The following CUL2 variants were observed in gnomAD, a reference collection of about 807,000 sequenced individuals.
CUL2 encodes the protein cullin 2, also known as cullin-2.
Under a neutral mutation model 110.2 loss-of-function variants are expected in CUL2, and 22 were observed. The ratio of observed to expected loss-of-function variants is 0.20; its 90% confidence interval spans 0.14 to 0.28. CUL2 has a LOEUF of 0.28. Ranked by LOEUF, CUL2 falls within the 10% of genes least tolerant of loss-of-function variation. The pLI, the probability that CUL2 is intolerant of heterozygous loss-of-function variation, is 1.00. For missense variants in CUL2, 631 were observed against 905.5 expected, an observed-to-expected ratio of 0.70 and a Z score of 3.89; for synonymous variants, 279 against 293.2, an observed-to-expected ratio of 0.95 and a Z score of 0.49.
At position 35,071,506 on chromosome 10, in the gene CUL2, G is replaced by A. The variant is rs191541427; in HGVS notation, c.-22-167C>T. On this transcript the variant is annotated intron_variant, in intron 1 of 20. Transcript: ENST00000374749. ...TGCAAGCTCCGCCTCCCAGGTTCAC[G>A]CCATTCTCCTGCCTCAGTCTCCCAA... Among the ~76,000 whole-genome samples the A allele has an allele frequency of 3.1e-3, 465 of 152,282 alleles. 1 individual carries two copies. The highest frequency in any genetic ancestry group is 0.011 in the African/African-American group (442 of 41,558).
At chr10:35,062,437 A>G (rs2134930897) in intron 3 of CUL2, among the ~76,000 whole-genome samples, 1 of 152,316 alleles carries the variant, frequency 6.6e-6, no homozygotes, top group East Asian at 1.9e-4. Flanking sequence ...GTAGGAGCAC[A>G]TTTTAAAACT....
intron 17 of CUL2, among the ~76,000 whole-genome samples, chr10:35,019,341 T>C (rs1476475148): frequency 1.3e-5 from 2 of 152,174 alleles, no homozygotes; most frequent in Non-Finnish European, 2.9e-5. Context: ...ATTTACTTCT[T>C]ATTGAGTTCA....
chr10:35,084,133 C>A (rs1474773854), intron 1 of CUL2, among the ~76,000 whole-genome samples: 1 of 152,020 alleles, frequency 6.6e-6, no homozygotes, highest in East Asian at 1.9e-4. Context: ...AAAAATTAGT[C>A]AGGTGTGGTG....
intron 2 of CUL2, among the ~76,000 whole-genome samples, chr10:35,096,053 G>A (rs774856533): frequency 1.9e-4 from 29 of 152,016 alleles, no homozygotes; most frequent in African/African-American, 6.8e-4. Flanking sequence ...CTTGAGACCA[G>A]CCTGGCCAAT....
rs1183142230 is a variant in CUL2, at chr10:35,062,916, T to G, written c.222+44A>C. 3 of 1,114,366 alleles carry G rather than the reference T, an allele frequency of 2.7e-6. No homozygotes were observed. In the East Asian group the frequency reaches 7.1e-5, roughly 26 times the overall value. 69.0% of individuals were successfully genotyped at this position (1,114,366 alleles called of 1,614,324 possible). A position where few individuals can be genotyped will look rare whatever the true frequency, so the allele number is the denominator to read the frequency against. Reference sequence around the variant, plus strand: ...TGGAAAACAGTAAACTAGTAAAGTATACAACTATCAACATATTTATATCAC... The same window carrying G: ...TGGAAAACAGTAAACTAGTAAAGTAGACAACTATCAACATATTTATATCAC... On this transcript the variant is annotated intron_variant, in intron 3 of 20. Transcript: ENST00000374749.
At chr10:35,091,777 C>T (rs2087209510), upstream of CUL2, among the ~76,000 whole-genome samples, 1 of 152,062 alleles carries the variant, frequency 6.6e-6, no homozygotes, top group African/African-American at 2.4e-5. Context: ...CCCGCCACCA[C>T]ACCCGGCTAA....
intron 8 of CUL2, among the ~76,000 whole-genome samples, chr10:35,042,305 T>C (rs1319387093): frequency 1.3e-5 from 2 of 152,192 alleles, no homozygotes; most frequent in South Asian, 2.1e-4. Context: ...AACATTTTCA[T>C]GGTTCATCCA....
intron 14 of CUL2, among the ~76,000 whole-genome samples, 195 bp from the exon 15 acceptor site, chr10:35,029,835 G>A (rs986693354): frequency 1.6e-4 from 24 of 152,226 alleles, no homozygotes; most frequent in Non-Finnish European, 7.4e-5. Flanking sequence ...TTTTAAAGAC[G>A]TATTTTAAAT....
At chr10:35,067,904 G>A (rs992691866) in intron 2 of CUL2, among the ~76,000 whole-genome samples, 2 of 151,734 alleles carry the variant, frequency 1.3e-5, no homozygotes, top group South Asian at 2.1e-4. Context: ...TCAGGAGATC[G>A]AGACCATCCT....
chr10:35,102,884 G>GA (rs750018715), intron 1 of CUL2, among the ~76,000 whole-genome samples: 348 of 108,284 alleles, frequency 3.2e-3, no homozygotes, highest in Middle Eastern at 0.011. Flanking sequence ...CTCTGTCTCA[G>GA]AAAAAAAAAA....
chr10:35,080,259 A>G (rs866198393), intron 1 of CUL2, among the ~76,000 whole-genome samples: 63 of 151,968 alleles, frequency 4.1e-4, no homozygotes, highest in Admixed American at 1.4e-3. Context: ...GCATCTAAAC[A>G]TTTTCATCTT....
chr10:35,033,080 C>A, intron 11 of CUL2, 86 bp downstream of exon 11: 2 of 648,356 alleles, frequency 3.1e-6, no homozygotes, highest in Non-Finnish European at 4.9e-6. Flanking sequence ...CATCAGAAAC[C>A]TCATACTAGA....
chr10:35,036,845 CACCTCAGCCTCCCAAGTAGATGGG>C (rs1173725427), intron 9 of CUL2, among the ~76,000 whole-genome samples: 1 of 151,982 alleles, frequency 6.6e-6, no homozygotes, highest in African/African-American at 2.4e-5. Flanking sequence ...GTGATCCTCC[CACCTCAGCCTCCCAAGTAGATGGG>C]ACCACAGGTG....
intron 1 of CUL2, chr10:35,118,827 A>G (rs968080900): frequency 6.6e-6 from 1 of 152,234 alleles, no homozygotes; most frequent in Admixed American, 6.5e-5. Context: ...TCTCATGTCA[A>G]AGTGCTTCCA....
chr10:35,039,459 T>C (rs936830614), intron 8 of CUL2, among the ~76,000 whole-genome samples: 1 of 152,208 alleles, frequency 6.6e-6, no homozygotes, highest in African/African-American at 2.4e-5. Flanking sequence ...AAAAATAAAT[T>C]ATATTGAAAT....
chr10:35,096,990 C>T (rs1269294573), intron 2 of CUL2, among the ~76,000 whole-genome samples: 1 of 151,674 alleles, frequency 6.6e-6, no homozygotes, highest in Non-Finnish European at 1.5e-5. Flanking sequence ...TTGTATTTTT[C>T]GTAGAGACGG....
intron 2 of CUL2, among the ~76,000 whole-genome samples, chr10:35,096,909 A>G (rs2087307315): frequency 6.6e-6 from 1 of 150,936 alleles, no homozygotes; most frequent in South Asian, 2.1e-4. Context: ...TCCTGGCTTC[A>G]AGTGATTCTC....
intron 17 of CUL2, among the ~76,000 whole-genome samples, chr10:35,018,308 A>C (rs902664600): frequency 2.8e-4 from 42 of 151,158 alleles, no homozygotes; most frequent in South Asian, 8.3e-4. Flanking sequence ...AAAAAAAAAA[A>C]AAAAAAGATG....
intron 10 of CUL2, among the ~76,000 whole-genome samples, chr10:35,034,605 G>A (rs2085571851): frequency 6.6e-6 from 1 of 152,040 alleles, no homozygotes; most frequent in South Asian, 2.1e-4. Context: ...AACAAGATTT[G>A]GTGATGGGAA....
Sources: allele counts gnomAD v4.1 joint callset (sites outside exome capture counted in the v4.1 genomes callset), GRCh38; gene constraint gnomAD v4.1.1; transcripts MANE v1.5; gene names NCBI Gene and HGNC (gene_info 2026-07-23, HGNC 2026-07-21).